The following JAK2 variants were observed in gnomAD, a reference collection of about 807,000 sequenced individuals.
JAK2 encodes tyrosine-protein kinase JAK2.
Under a neutral mutation model 139.3 loss-of-function variants are expected in JAK2, and 86 were observed. That is an observed-to-expected ratio of 0.62 (90% CI 0.52 to 0.74). The LOEUF (loss-of-function observed/expected upper bound fraction) is 0.74, where lower values mean the gene tolerates loss of function less well. Ranked by LOEUF, JAK2 falls within the 30% of genes least tolerant of loss-of-function variation. The pLI, the probability that JAK2 is intolerant of heterozygous loss-of-function variation, is 0.00. For missense variants in JAK2, 1,421 were observed against 1,360.3 expected (o/e 1.04, Z -0.70); for synonymous variants, 490 against 437.7 (o/e 1.12, Z -1.49).
At chr9:5,029,711 C>T in intron 3 of JAK2, 72 bp from the exon 4 acceptor site, 1 of 1,348,178 alleles carries the variant, frequency 7.4e-7, no homozygotes, top group Non-Finnish European at 1.0e-6. Flanking sequence ...AGCTTCATTT[C>T]AAATTATAGG....
intron 22 of JAK2, among the ~76,000 whole-genome samples, chr9:5,093,878 G>A (rs1261016599): frequency 6.6e-6 from 1 of 152,110 alleles, no homozygotes; most frequent in Non-Finnish European, 1.5e-5. Flanking sequence ...TCAGACCAGA[G>A]TAATCCAGGT....
chr9:5,052,412 T>C (rs1375285553), intron 6 of JAK2, among the ~76,000 whole-genome samples: 1 of 152,142 alleles, frequency 6.6e-6, no homozygotes, highest in African/African-American at 2.4e-5. Flanking sequence ...CATCATTTTT[T>C]TTTACTGCTT....
At chr9:5,104,633 G>A (rs975696194) in intron 22 of JAK2, among the ~76,000 whole-genome samples, 4 of 152,150 alleles carry the variant, frequency 2.6e-5, no homozygotes, top group Non-Finnish European at 5.9e-5. Context: ...CAATATCCCT[G>A]ATGAACGTCG....
rs12000101 is a variant in JAK2, at chr9:5,127,910, G to T, written c.*1119G>T. ...GGTAAATAAGTAAAAAAGTATGCTT[G>T]TTAATTTTATTCAAGAATGCCAGTA... On this transcript the variant is annotated 3_prime_UTR_variant, in exon 25 of 25. Transcript: ENST00000381652. The T allele has an allele frequency of 0.08, 18,525 of 232,198 alleles. 3,072 individuals carry two copies. Among genetic ancestry groups the T allele is most frequent in the African/African-American group, 0.37 (16,598 of 45,250 alleles). 14.4% of individuals were successfully genotyped at this position (232,198 alleles called of 1,614,324 possible).
At chr9:5,047,466 C>T (rs571001137) in intron 5 of JAK2, among the ~76,000 whole-genome samples, 108 of 152,298 alleles carry the variant, frequency 7.1e-4, no homozygotes, top group Non-Finnish European at 1.3e-3. Context: ...AAATAAACTG[C>T]TGACATGTGA....
Position 5,032,334 on chromosome 9 carries a change from C to T in JAK2, c.350+2428C>T, listed in dbSNP as rs575222833. Among the ~76,000 whole-genome samples the T allele has an allele frequency of 2.6e-5, 4 of 152,350 alleles. No individual in the cohort carries two copies. In the South Asian group the frequency reaches 8.3e-4, roughly 32 times the overall value. ...TCCACCTCTGGGGGCAGGGCATAGC[C>T]AAACAAAAGGCAGCAGAATCCTTTG... On this transcript the variant is annotated intron_variant, in intron 4 of 24. Transcript: ENST00000381652.
Position 5,072,585 on chromosome 9 carries a change from C to A in JAK2, c.1735C>A (p.Leu579Ile). 5 of 1,609,914 alleles carry A rather than the reference C, an allele frequency of 3.1e-6. No individual in the cohort carries two copies. The highest frequency in any genetic ancestry group is 1.3e-5 in the African/African-American group (1 of 74,882). The change falls in exon 13 of 25, where the codon CTT becomes ATT. Residue 579 changes from leucine to isoleucine, a missense_variant. By Grantham distance (5) the Leu-to-Ile change is conservative. Transcript: ENST00000381652. ...CGGTCAACTGCATGAAACAGAAGTT[C>A]TTTTAAAAGTTCTGGATAAAGCACA... is the stretch of plus-strand genomic sequence containing the variant. ...DYGQLHETEV[L>I]LKVLDKAHRN...
In JAK2 at chr9:5,066,747, T is replaced by G; in HGVS notation, c.1284T>G (p.Ser428Arg). 1 of 1,580,532 alleles carries G rather than the reference T, an allele frequency of 6.3e-7. No individual in the cohort carries two copies. The highest frequency in any genetic ancestry group is 8.6e-7 in the Non-Finnish European group (1 of 1,166,068). The change falls in exon 10 of 25, where the codon AGT becomes AGG. Residue 428 changes from serine to arginine, a missense_variant. Physicochemically the swap from Ser to Arg is moderately radical, Grantham distance 110 (BLOSUM62 -1). Transcript: ENST00000381652. ...NQTGLYVLRC[S>R]PKDFNKYFLT... ...CTGGACTGTATGTACTTCGATGCAG[T>G]CCTAAGGACTTTAATAAATATTTTT... is the stretch of plus-strand genomic sequence containing the variant.
Position 5,034,067 on chromosome 9 carries a change from C to CA in JAK2, c.350+4168dup, listed in dbSNP as rs569774883. Among the ~76,000 whole-genome samples the CA allele has an allele frequency of 2.0e-3, 309 of 151,512 alleles. 1 individual carries two copies. Among genetic ancestry groups the CA allele is most frequent in the African/African-American group, 7.1e-3 (292 of 41,352 alleles). On this transcript the variant is annotated intron_variant, in intron 4 of 24. Transcript: ENST00000381652. Reference sequence around the variant, plus strand: ...GAACATCTACCAAGCAAACGGAAAACAAAAAAAGGCAGGGATTGCAATCCT... The same window carrying CA: ...GAACATCTACCAAGCAAACGGAAAACAAAAAAAAGGCAGGGATTGCAATCCT...
intron 19 of JAK2, among the ~76,000 whole-genome samples, chr9:5,087,119 G>GT (rs1430105518): frequency 5.3e-5 from 8 of 152,322 alleles, no homozygotes; most frequent in Admixed American, 5.2e-4. Context: ...CTTACTGGTT[G>GT]TATTAGTCTG....
At chr9:5,040,860 G>C (rs1816441324) in intron 4 of JAK2, 1 of 232,040 alleles carries the variant, frequency 4.3e-6, no homozygotes, top group South Asian at 4.2e-5. Flanking sequence ...AGCAGGAGAG[G>C]GGCCGGAGCG....
At chr9:5,111,724 G>C (rs1265186471) in intron 22 of JAK2, 4 of 433,240 alleles carry the variant, frequency 9.2e-6, no homozygotes, top group Non-Finnish European at 1.8e-5. Context: ...ACCAGCACGA[G>C]CGCGTGGGCT....
chr9:5,026,605 A>G (rs1167396497), intron 3 of JAK2, among the ~76,000 whole-genome samples: 1 of 152,156 alleles, frequency 6.6e-6, no homozygotes, highest in Non-Finnish European at 1.5e-5. Flanking sequence ...TTACATATTC[A>G]TTTCTGATTT....
At chr9:5,108,435 G>C (rs549314088) in intron 22 of JAK2, 2 of 152,084 alleles carry the variant, frequency 1.3e-5, no homozygotes, top group East Asian at 3.9e-4. Flanking sequence ...AAATACTTCA[G>C]ATTCTCTAAA....
chr9:5,058,265 A>G (rs1817908168), intron 8 of JAK2, among the ~76,000 whole-genome samples: 1 of 152,180 alleles, frequency 6.6e-6, no homozygotes, highest in African/African-American at 2.4e-5. Flanking sequence ...TAATTTATTT[A>G]AAAAGAGGGT....
At chr9:5,125,550 A>G (rs1204581099) in intron 23 of JAK2, among the ~76,000 whole-genome samples, 1 of 151,518 alleles carries the variant, frequency 6.6e-6, no homozygotes, top group Non-Finnish European at 1.5e-5. Context: ...AAAGTTATGA[A>G]CTATTTTAAA....
At chr9:5,004,292 G>A (rs1821126996) in intron 2 of JAK2, among the ~76,000 whole-genome samples, 1 of 151,950 alleles carries the variant, frequency 6.6e-6, no homozygotes, top group African/African-American at 2.4e-5. Flanking sequence ...CCTCCTAATG[G>A]GACCCTCAGC....
chr9:5,060,521 G>C (rs536723274), intron 8 of JAK2, among the ~76,000 whole-genome samples: 1 of 152,138 alleles, frequency 6.6e-6, no homozygotes, highest in African/African-American at 2.4e-5. Flanking sequence ...TCCATCTCAA[G>C]AAACCATTTT....
chr9:5,068,507 A>G (rs1818722888), intron 10 of JAK2, among the ~76,000 whole-genome samples: 1 of 152,212 alleles, frequency 6.6e-6, no homozygotes, highest in Admixed American at 6.5e-5. Context: ...ATGAATGAAT[A>G]AAGGTTCATT....
Sources: allele counts gnomAD v4.1 joint callset (sites outside exome capture counted in the v4.1 genomes callset), GRCh38; gene constraint gnomAD v4.1.1; transcripts MANE v1.5; gene names NCBI Gene and HGNC (gene_info 2026-07-23, HGNC 2026-07-21).